PIAS2: variants seen among roughly 807,000 people sequenced by gnomAD.
The protein encoded by PIAS2 is E3 SUMO-protein ligase PIAS2.
PIAS2 carries 19 observed loss-of-function variants against 69.7 expected under a neutral mutation model. That is an observed-to-expected ratio of 0.27 (90% CI 0.19 to 0.40). PIAS2 has a LOEUF of 0.40. Ranked by LOEUF, PIAS2 falls within the 10% of genes least tolerant of loss-of-function variation. The pLI is 1.00. For synonymous variants in PIAS2, 261 were observed against 263.2 expected (o/e 0.99, Z 0.08); for missense variants, 624 against 757.0 (o/e 0.82, Z 2.06).
At chr18:46,855,512 A>G in intron 4 of PIAS2, 53 bp downstream of exon 4, 1 of 1,560,706 alleles carries the variant, frequency 6.4e-7, no homozygotes, top group African/African-American at 1.4e-5. Flanking sequence ...TCAGAACTAC[A>G]TGCACATAGT....
At chr18:46,839,616 G>A (rs1287203261) in intron 8 of PIAS2, among the ~76,000 whole-genome samples, 1 of 152,030 alleles carries the variant, frequency 6.6e-6, no homozygotes, top group Non-Finnish European at 1.5e-5. Context: ...GTGGCTCCCA[G>A]CACTTTGGGA....
At chr18:46,861,431 A>C (rs2048647880) in intron 3 of PIAS2, among the ~76,000 whole-genome samples, 1 of 152,238 alleles carries the variant, frequency 6.6e-6, no homozygotes, top group Non-Finnish European at 1.5e-5. Flanking sequence ...GTTTGAGGAA[A>C]AACAGAATAC....
At chr18:46,869,296 A>G (rs571249953) in intron 2 of PIAS2, among the ~76,000 whole-genome samples, 27 of 152,078 alleles carry the variant, frequency 1.8e-4, no homozygotes, top group African/African-American at 6.3e-4. Flanking sequence ...GGCAAGAAAT[A>G]TCTAATACGA....
intron 1 of PIAS2, among the ~76,000 whole-genome samples, chr18:46,912,852 T>G (rs911012301): frequency 1.3e-5 from 2 of 152,202 alleles, no homozygotes; most frequent in Admixed American, 6.5e-5. Context: ...CAGTACTGTC[T>G]GCACAAATAT....
chr18:46,843,217 A>G (rs1248244481), intron 8 of PIAS2, among the ~76,000 whole-genome samples: 2 of 152,242 alleles, frequency 1.3e-5, no homozygotes, highest in East Asian at 3.8e-4. Context: ...AAAAGAACAT[A>G]CAGTAGAGAC....
chr18:46,912,775 T>C (rs925170398), intron 1 of PIAS2, among the ~76,000 whole-genome samples: 2 of 152,008 alleles, frequency 1.3e-5, no homozygotes, highest in African/African-American at 4.8e-5. Context: ...CAAACAAAAA[T>C]GGTTAAAAGC....
intron 11 of PIAS2, among the ~76,000 whole-genome samples, chr18:46,826,586 C>T (rs568100256): frequency 7.9e-5 from 12 of 152,264 alleles, no homozygotes; most frequent in African/African-American, 2.4e-4. Context: ...ACATTTTGAA[C>T]GTAACCATTT....
chr18:46,895,231 G>A (rs1486661130), intron 1 of PIAS2, among the ~76,000 whole-genome samples: 2 of 152,054 alleles, frequency 1.3e-5, no homozygotes, highest in Non-Finnish European at 2.9e-5. Flanking sequence ...TGCTAATAAG[G>A]TTAGAAATCA....
intron 2 of PIAS2, among the ~76,000 whole-genome samples, chr18:46,887,946 G>C (rs748791546): frequency 6.6e-6 from 1 of 152,074 alleles, no homozygotes; most frequent in Non-Finnish European, 1.5e-5. Flanking sequence ...ACAGATGGTA[G>C]GCTCTTATAT....
At chr18:46,866,472 A>G (rs1030568001) in intron 2 of PIAS2, among the ~76,000 whole-genome samples, 4 of 152,388 alleles carry the variant, frequency 2.6e-5, no homozygotes, top group African/African-American at 7.2e-5. Context: ...AACAGAAGAT[A>G]TAAGAATTTG....
intron 3 of PIAS2, among the ~76,000 whole-genome samples, chr18:46,857,689 G>A (rs181368510): frequency 1.6e-4 from 24 of 152,312 alleles, no homozygotes. Context: ...TCACTAAGGA[G>A]TTACACTTTA....
chr18:46,844,170 G>T (rs765489869), intron 7 of PIAS2, 43 bp from the exon 8 acceptor site: 1 of 1,021,754 alleles, frequency 9.8e-7, no homozygotes, highest in Non-Finnish European at 1.4e-6. Flanking sequence ...AAAATTAAGG[G>T]TGACAAAGAA....
In PIAS2 at chr18:46,917,495, G is replaced by C. The variant is rs2058122078; in HGVS notation, c.-150C>G. 4 of 1,194,994 alleles carry C rather than the reference G, an allele frequency of 3.3e-6. No individual in the cohort carries two copies. The highest frequency in any genetic ancestry group is 4.1e-5 in the South Asian group (1 of 24,358). 74.0% of individuals were successfully genotyped at this position (1,194,994 alleles called of 1,614,324 possible). On this transcript the variant is annotated 5_prime_UTR_variant, in exon 1 of 14. Coordinates refer to ENST00000585916, the MANE Select transcript of PIAS2 (RefSeq NM_004671.5). ...CGCCGCGGCCGCCGCCGCTACAGCC[G>C]GGCCCGTCACGTGAACGGCGCGGGA...
intron 12 of PIAS2, chr18:46,818,494 A>C: frequency 4.0e-6 from 6 of 1,494,598 alleles, no homozygotes; most frequent in Non-Finnish European, 5.4e-6. Context: ...AAGGAATGTT[A>C]AGAAATGTAT....
At chr18:46,893,865 G>A (rs1039523412) in intron 1 of PIAS2, among the ~76,000 whole-genome samples, 4 of 152,044 alleles carry the variant, frequency 2.6e-5, no homozygotes, top group Admixed American at 6.6e-5. Flanking sequence ...AGTGGCTCAC[G>A]CTTATAATCT....
chr18:46,861,777 C>T (rs975815440), intron 3 of PIAS2, among the ~76,000 whole-genome samples: 1 of 152,092 alleles, frequency 6.6e-6, no homozygotes, highest in African/African-American at 2.4e-5. Flanking sequence ...AACTAAGAAA[C>T]TGTAACAGAT....
chr18:46,877,420 G>A (rs2051397007), intron 2 of PIAS2, among the ~76,000 whole-genome samples: 1 of 151,986 alleles, frequency 6.6e-6, no homozygotes, highest in South Asian at 2.1e-4. Flanking sequence ...CTTCTCCTGC[G>A]AGTCCCAATC....
intron 13 of PIAS2, among the ~76,000 whole-genome samples, chr18:46,814,365 A>G (rs1244228690): frequency 1.3e-5 from 2 of 152,220 alleles, no homozygotes; most frequent in Admixed American, 1.3e-4. Flanking sequence ...TTTTAAAAGA[A>G]CTGGTCACAT....
chr18:46,898,802 T>C (rs1408697016), intron 1 of PIAS2, among the ~76,000 whole-genome samples: 1 of 152,098 alleles, frequency 6.6e-6, no homozygotes, highest in South Asian at 2.1e-4. Flanking sequence ...GAGACCAGCA[T>C]GGACGACACG....
Sources: allele counts gnomAD v4.1 joint callset (sites outside exome capture counted in the v4.1 genomes callset), GRCh38; gene constraint gnomAD v4.1.1; transcripts MANE v1.5; gene names NCBI Gene and HGNC (gene_info 2026-07-23, HGNC 2026-07-21).